The following CFLAR variants were observed in gnomAD, a reference collection of about 807,000 sequenced individuals.
The protein encoded by CFLAR is CASP8 and FADD like apoptosis regulator, also known as CASP8 and FADD-like apoptosis regulator.
A neutral mutation model predicts 51.1 loss-of-function variants in CFLAR; 14 were observed. The observed-to-expected ratio is 0.27, with a 90% confidence interval of 0.18 to 0.43. The LOEUF is 0.43. CFLAR is among the 20% of genes least tolerant of loss of function. The pLI is 1.00. For synonymous variants in CFLAR, 210 were observed against 211.6 expected (o/e 0.99, Z 0.06); for missense variants, 390 against 566.5 (o/e 0.69, Z 3.16).
intron 1 of CFLAR, among the ~76,000 whole-genome samples, chr2:201,120,188 ATTT>A (rs397871722): frequency 7.7e-6 from 1 of 130,370 alleles, no homozygotes; most frequent in Non-Finnish European, 1.7e-5. Context: ...ACCCAGCTAC[ATTT>A]TTTTTTTTTT....
intron 5 of CFLAR, chr2:201,141,794 G>C (rs1938961005): frequency 3.2e-6 from 1 of 312,180 alleles, no homozygotes; most frequent in South Asian, 1.1e-4. Flanking sequence ...ATCTTGAGAA[G>C]TTAAATCTTG....
chr2:201,132,430 A>AAAAAAT (rs34318341), intron 2 of CFLAR, among the ~76,000 whole-genome samples: 19 of 137,964 alleles, frequency 1.4e-4, no homozygotes, highest in African/African-American at 5.2e-4. Flanking sequence ...GGGGGGGAAA[A>AAAAAAT]ATATATATAT....
chr2:201,152,698 G>T (rs1202899828), intron 8 of CFLAR: 5 of 152,210 alleles, frequency 3.3e-5, no homozygotes, highest in Admixed American at 3.3e-4. Flanking sequence ...CATAACTTGA[G>T]AGGGTTATCC....
chr2:201,140,027 T>G, intron 4 of CFLAR: 1 of 314,114 alleles, frequency 3.2e-6, no homozygotes, highest in Non-Finnish European at 6.5e-6. Context: ...TAGTCCCTCA[T>G]GCTGCCGCGA....
chr2:201,122,234 G>C (rs1465276867), intron 1 of CFLAR, among the ~76,000 whole-genome samples: 1 of 152,210 alleles, frequency 6.6e-6, no homozygotes, highest in African/African-American at 2.4e-5. Flanking sequence ...TCACAATGAG[G>C]TCCTGCCAGT....
In CFLAR at chr2:201,133,127, A is replaced by G. The variant is rs146003529; in HGVS notation, c.380A>G (p.Lys127Arg). 5.0e-5 allele frequency: 81 copies of G among 1,612,186 alleles called. No homozygotes were observed. Among genetic ancestry groups the G allele is most frequent in the Non-Finnish European group, 6.4e-5 (76 of 1,178,334 alleles). Reference sequence around the variant, plus strand: ...TACATGGGCCGAGGCAAGATAAGCAAGGAGAAGGTGAGTTTTCTTCTTTTG... The same window carrying G: ...TACATGGGCCGAGGCAAGATAAGCAGGGAGAAGGTGAGTTTTCTTCTTTTG... ...KDYMGRGKIS[K>R]EKSFLDLVVE... is the part of the protein sequence containing the mutation. Residue 127 changes from lysine to arginine, a missense_variant, in exon 3 of 10, where the codon AAG (lysine) becomes AGG (arginine). Lys to Arg is a conservative substitution (Grantham distance 26). Around this residue, in one of 2 missense-constraint regions of CFLAR, gnomAD observed 103 missense variants for 202.9 expected, o/e 0.51. Coordinates refer to ENST00000309955, the MANE Select transcript of CFLAR (RefSeq NM_003879.7).
chr2:201,153,454 C>T (rs1294144001), intron 8 of CFLAR: 1 of 152,254 alleles, frequency 6.6e-6, no homozygotes, highest in African/African-American at 2.4e-5. Context: ...ATTCTAGGCC[C>T]AGAATCCTGC....
rs1461432835 is a variant in CFLAR at position 201,166,820 on chromosome 2, A to C, written c.*2847A>C. 6.4e-6 allele frequency: 1 copy of C among 156,902 alleles called. No homozygotes were observed. Among genetic ancestry groups the C allele is most frequent in the East Asian group, 1.9e-4 (1 of 5,332 alleles). The allele number at this position is 156,902 out of a possible 1,614,324, so 9.7% of individuals were successfully genotyped here. A position where few individuals can be genotyped will look rare whatever the true frequency, so the allele number is the denominator to read the frequency against. ...TCTCCACCAAAAAAATACGAAAACC[A>C]GTCAGGCGTGGCGGCGCCCGCAATG... On this transcript the variant is annotated 3_prime_UTR_variant, in exon 10 of 10. Transcript: ENST00000309955.
intron 4 of CFLAR, chr2:201,136,341 CT>C: frequency 2.5e-6 from 4 of 1,598,516 alleles, no homozygotes; most frequent in Non-Finnish European, 3.4e-6. Context: ...CCAAGCAGTT[CT>C]TAACATTTCA....
At position 201,173,063 on chromosome 2, in the gene CFLAR, ACT is replaced by A. The variant is rs1944103367; in HGVS notation, c.*9093_*9094del. ...TTTTTTGTTTTTGAGACGGAGTCTC[ACT>A]CTGTCGCCCAGGGTGGAGTGCAGTG... On this transcript the variant is annotated 3_prime_UTR_variant, in exon 10 of 10. Transcript: ENST00000309955. The A allele has an allele frequency of 6.6e-6, 1 of 152,014 alleles. No homozygotes were observed. Among genetic ancestry groups the A allele is most frequent in the African/African-American group, 2.4e-5 (1 of 41,338 alleles). 9.4% of individuals were successfully genotyped at this position (152,014 alleles called of 1,614,324 possible). A position where few individuals can be genotyped will look rare whatever the true frequency, so the allele number is the denominator to read the frequency against.
At chr2:201,127,413 G>A (rs1415571292) in intron 1 of CFLAR, among the ~76,000 whole-genome samples, 4 of 152,076 alleles carry the variant, frequency 2.6e-5, no homozygotes, top group African/African-American at 4.8e-5. Flanking sequence ...TCAGCATTTC[G>A]GAAGGCTGAG....
intron 3 of CFLAR, among the ~76,000 whole-genome samples, chr2:201,133,436 G>A (rs1165898343): frequency 1.3e-5 from 2 of 152,122 alleles, no homozygotes; most frequent in African/African-American, 2.4e-5. Context: ...TGGGGTTGTG[G>A]GGAAGACATC....
intron 5 of CFLAR, 97 bp downstream of exon 5, chr2:201,140,536 T>A (rs1057232153): frequency 1.1e-6 from 1 of 887,780 alleles, no homozygotes; most frequent in Non-Finnish European, 1.7e-6. Flanking sequence ...TTATTTAATA[T>A]CTGAAAAAAT....
At chr2:201,156,561 C>A (rs760515558) in intron 8 of CFLAR, among the ~76,000 whole-genome samples, 3 of 152,196 alleles carry the variant, frequency 2.0e-5, no homozygotes, top group Non-Finnish European at 4.4e-5. Context: ...TCATTTAGAT[C>A]AAAACAAATT....
intron 8 of CFLAR, chr2:201,154,638 C>A (rs967610391): frequency 6.6e-6 from 1 of 152,234 alleles, no homozygotes; most frequent in Admixed American, 6.5e-5. Flanking sequence ...AAGGAATAAG[C>A]TCTCCCAGTG....
At chr2:201,152,481 A>G (rs1445794680) in intron 8 of CFLAR, among the ~76,000 whole-genome samples, 3 of 152,140 alleles carry the variant, frequency 2.0e-5, no homozygotes, top group Non-Finnish European at 4.4e-5. Context: ...CAGTGTGAGC[A>G]TGTACTAGAT....
At chr2:201,119,814 AG>A (rs759720246) in intron 1 of CFLAR, among the ~76,000 whole-genome samples, 6 of 151,612 alleles carry the variant, frequency 4.0e-5, no homozygotes, top group Non-Finnish European at 8.8e-5. Context: ...CATTCCGTAG[AG>A]ATAACCAAAG....
At chr2:201,133,457 G>C (rs1475026529) in intron 3 of CFLAR, among the ~76,000 whole-genome samples, 1 of 152,106 alleles carries the variant, frequency 6.6e-6, no homozygotes, top group African/African-American at 2.4e-5. Flanking sequence ...CCATCTGCTT[G>C]TGCTGGGGGA....
intron 7 of CFLAR, 166 bp downstream of exon 7, chr2:201,149,218 A>G: frequency 1.8e-6 from 1 of 547,874 alleles, no homozygotes; most frequent in East Asian, 3.0e-5. Context: ...ACAAAGAGAA[A>G]GATGTTAAAG....
Sources: gnomAD v4.1 joint callset for allele counts (sites outside exome capture counted in the v4.1 genomes callset) on GRCh38, gnomAD v4.1.1 for gene constraint, gnomAD v4.1.1 regional missense constraint, MANE v1.5 for transcripts, NCBI Gene and HGNC (gene_info 2026-07-23, HGNC 2026-07-21) for gene names.